LY75: variants seen among roughly 807,000 people sequenced by gnomAD.
LY75 encodes the protein lymphocyte antigen 75, also known as C-type lectin domain family 13 member B.
Under a neutral mutation model 231.7 loss-of-function variants are expected in LY75, and 185 were observed. The ratio of observed to expected loss-of-function variants is 0.80; its 90% CI spans 0.71 to 0.90. The LOEUF (loss-of-function observed/expected upper bound fraction) is 0.90. LY75 is among the 40% of genes least tolerant of loss of function. The pLI is 0.00. For missense variants in LY75, 1,947 were observed against 2,050.2 expected, an observed-to-expected ratio of 0.95 and a Z score of 0.97; for synonymous variants, 668 against 689.0, an observed-to-expected ratio of 0.97 and a Z score of 0.48.
Position 159,815,441 on chromosome 2 carries a change from CAG to C in LY75, c.4511_4512del (p.Ser1504CysfsTer2). 1 of 1,612,550 alleles carries C rather than the reference CAG, an allele frequency of 6.2e-7. No individual in the cohort carries two copies. The highest frequency in any genetic ancestry group is 8.5e-7 in the Non-Finnish European group (1 of 1,179,670). On this transcript the variant is annotated frameshift_variant, in exon 31 of 35. Coordinates refer to ENST00000263636, the MANE Select transcript of LY75 (RefSeq NM_002349.4). LOFTEE classifies it high-confidence loss of function. Reference protein sequence around the residue: ...KGTWKHEKCNSVKDGAICYKP... With the variant: ...KGTWKHEKCNXVKDGAICYKP... ...TTATAACAAATAGCACCATCCTTAA[CAG>C]AGTTGCATTTTTCATGTTTCCAAGT...
chr2:159,842,189 A>C (rs41265133), intron 24 of LY75, 56 bp downstream of exon 24: 910,305 of 1,446,672 alleles, frequency 0.63, 274,433 homozygotes, highest in Non-Finnish European at 0.66. Flanking sequence ...CTCTCTCTCT[A>C]TATATATATA....
At chr2:159,874,668 ATTTTGTAAATATATGTAAATATATATATT>A (rs1685179571) in intron 12 of LY75, among the ~76,000 whole-genome samples, 2 of 109,172 alleles carry the variant, frequency 1.8e-5, no homozygotes, top group Non-Finnish European at 3.6e-5. Flanking sequence ...ATATATATAT[ATTTTGTAAATATATGTAAATATATATATT>A]TTGTAAATAT....
At position 159,885,194 on chromosome 2, in the gene LY75, T is replaced by C. The variant is rs1486300982; in HGVS notation, c.1013A>G (p.Tyr338Cys). ...ATTATTTAATGGTTTCCTGCAGACA[T>C]AGGGCAGTTGAGCTTCACAGGAAAA... ...QSFSCEAQLP[Y>C]VCRKPLNNTV... The change falls in exon 6 of 35, where the codon TAT becomes TGT. Residue 338 changes from tyrosine to cysteine, a missense_variant. Physicochemically the swap from Tyr to Cys is radical, Grantham distance 194 (BLOSUM62 -2). Transcript: ENST00000263636. 2.5e-6 allele frequency: 4 copies of C among 1,613,482 alleles called. No homozygotes were observed. The African/African-American group carries it at 4.0e-5, about 16-fold the overall frequency.
At chr2:159,887,950 T>G (rs1685643630) in intron 4 of LY75, among the ~76,000 whole-genome samples, 2 of 152,180 alleles carry the variant, frequency 1.3e-5, no homozygotes, top group East Asian at 3.9e-4. Flanking sequence ...AAACTTGAAT[T>G]TATCGGCACT....
chr2:159,826,002 C>T (rs929290294), intron 28 of LY75, among the ~76,000 whole-genome samples: 1 of 152,148 alleles, frequency 6.6e-6, no homozygotes, highest in Non-Finnish European at 1.5e-5. Context: ...CAGTATCATA[C>T]TGAATGGGCA....
chr2:159,901,049 A>T (rs1421628183), intron 1 of LY75, among the ~76,000 whole-genome samples: 1 of 151,994 alleles, frequency 6.6e-6, no homozygotes, highest in East Asian at 1.9e-4. Context: ...ATGTTGGCCA[A>T]GCTGGTCTCG....
At chr2:159,873,069 T>C (rs1464568320) in intron 12 of LY75, among the ~76,000 whole-genome samples, 2 of 151,864 alleles carry the variant, frequency 1.3e-5, no homozygotes, top group Admixed American at 1.3e-4. Flanking sequence ...TGTGTGAATA[T>C]TGACAGAAAG....
At chr2:159,831,601 A>T in intron 28 of LY75, 69 bp downstream of exon 28, 1 of 1,525,618 alleles carries the variant, frequency 6.6e-7, no homozygotes, top group Non-Finnish European at 9.0e-7. Flanking sequence ...TTGAAGAACT[A>T]TGGCTTGATA....
intron 28 of LY75, among the ~76,000 whole-genome samples, chr2:159,828,302 A>G (rs1453115741): frequency 2.0e-5 from 3 of 151,188 alleles, no homozygotes; most frequent in Non-Finnish European, 2.9e-5. Flanking sequence ...AAGAATTCTT[A>G]CCCCTCGACA....
chr2:159,882,905 GTCC>G (rs1266036773), intron 6 of LY75, among the ~76,000 whole-genome samples: 2 of 152,020 alleles, frequency 1.3e-5, no homozygotes, highest in Non-Finnish European at 2.9e-5. Flanking sequence ...TAGACAGATG[GTCC>G]TCATGGAATT....
intron 20 of LY75, 78 bp from the exon 21 acceptor site, chr2:159,852,418 T>G (rs1684428478): frequency 2.1e-6 from 3 of 1,449,206 alleles, no homozygotes; most frequent in Non-Finnish European, 2.7e-6. Context: ...GTGTGTTTTT[T>G]TTTGTTTTTT....
intron 1 of LY75, among the ~76,000 whole-genome samples, chr2:159,901,736 G>A (rs1286755205): frequency 6.6e-6 from 1 of 152,202 alleles, no homozygotes; most frequent in East Asian, 1.9e-4. Context: ...GAATATAGAT[G>A]TTTTTCTCAG....
chr2:159,835,711 C>A, intron 25 of LY75, 66 bp from the exon 26 acceptor site: 1 of 1,559,526 alleles, frequency 6.4e-7, no homozygotes, highest in South Asian at 1.3e-5. Flanking sequence ...TATTTTGACT[C>A]CCATGGTCAA....
At chr2:159,872,281 G>T in intron 13 of LY75, 170 bp downstream of exon 13, 1 of 742,584 alleles carries the variant, frequency 1.3e-6, no homozygotes, top group South Asian at 2.3e-5. Context: ...CATAGTGTCT[G>T]CACATTAAGA....
intron 1 of LY75, chr2:159,902,764 G>C (rs763630067): frequency 6.6e-6 from 1 of 152,264 alleles, no homozygotes; most frequent in Non-Finnish European, 1.5e-5. Flanking sequence ...CAGGGAGTCA[G>C]AAAGTCTTCA....
chr2:159,820,329 T>C (rs185780452), intron 28 of LY75, among the ~76,000 whole-genome samples: 23 of 152,348 alleles, frequency 1.5e-4, no homozygotes, highest in African/African-American at 5.3e-4. Flanking sequence ...ATGTGGTATA[T>C]ATGTACCATG....
intron 32 of LY75, among the ~76,000 whole-genome samples, chr2:159,810,159 G>A (rs936255604): frequency 1.3e-5 from 2 of 152,080 alleles, no homozygotes; most frequent in South Asian, 2.1e-4. Context: ...TCAGCCTCCC[G>A]AGTAGCTGGG....
rs1683795923 is a variant in LY75, at chr2:159,835,612, G to A, written c.3541C>T (p.Arg1181Cys). 3.1e-6 allele frequency: 5 copies of A among 1,613,552 alleles called. No individual in the cohort carries two copies. Among genetic ancestry groups the A allele is most frequent in the African/African-American group, 1.3e-5 (1 of 74,882 alleles). ...TCAGCCCAGCGACTAAAATGAAGAC[G>A]TTTCCCATCTGACCAACCAAAGTTG... ...ELNFGWSDGKRLHFSRWAETN... is the reference protein window; with the variant it reads ...ELNFGWSDGKCLHFSRWAETN... Residue 1181 changes from arginine (R) to cysteine (C), a missense_variant, in exon 26 of 35, where the codon CGT becomes TGT. Transcript: ENST00000263636.
intron 25 of LY75, among the ~76,000 whole-genome samples, chr2:159,837,984 G>A (rs1333462907): frequency 1.3e-5 from 2 of 152,072 alleles, no homozygotes; most frequent in African/African-American, 4.8e-5. Context: ...TCTTCAAGCT[G>A]GGTACTTGAG....
Sources: allele counts gnomAD v4.1 joint callset (sites outside exome capture counted in the v4.1 genomes callset), GRCh38; gene constraint gnomAD v4.1.1; transcripts MANE v1.5; gene names NCBI Gene and HGNC (gene_info 2026-07-23, HGNC 2026-07-21).